The following ARHGEF33 variants were observed in gnomAD, a reference collection of about 807,000 sequenced individuals.
ARHGEF33 encodes the protein DH and coiled-coil domain-containing protein ENSP00000381780.
A neutral mutation model predicts 101.9 loss-of-function variants in ARHGEF33; 72 were observed. The ratio of observed to expected loss-of-function variants is 0.71; its 90% CI spans 0.58 to 0.86. The LOEUF is 0.86. ARHGEF33 is among the 40% of genes least tolerant of loss of function. The probability of loss-of-function intolerance (pLI) is 0.00; values close to 1 mark genes in which losing one functional copy is unlikely to be tolerated. For missense variants in ARHGEF33, 1,169 were observed against 1,111.3 expected (o/e 1.05, Z -0.74); for synonymous variants, 499 against 442.5 (o/e 1.13, Z -1.60).
At position 38,971,648 on chromosome 2, in the gene ARHGEF33, C is replaced by T. The variant is rs899435547; in HGVS notation, c.2484-2066C>T. 2.0e-5 allele frequency among the ~76,000 whole-genome samples: 3 copies of T among 152,088 alleles called. No homozygotes were observed. The South Asian group carries it at 6.2e-4, about 32-fold the overall frequency. On this transcript the variant is annotated intron_variant, in intron 17 of 17. Coordinates refer to ENST00000409978, the MANE Select transcript of ARHGEF33 (RefSeq NM_001145451.5). Reference sequence around the variant, plus strand: ...AAGAGGTCAGTTAAAATGGTCTTTACAAGGATGAAAATGAGCTTTTAGTCA... The same window carrying T: ...AAGAGGTCAGTTAAAATGGTCTTTATAAGGATGAAAATGAGCTTTTAGTCA...
intron 6 of ARHGEF33, 38 bp downstream of exon 6, chr2:38,929,868 T>TA (rs1419992867): frequency 7.1e-6 from 11 of 1,543,274 alleles, no homozygotes; most frequent in Admixed American, 5.9e-5. Flanking sequence ...GGCAAACCCA[T>TA]AAGCAATGGC....
In ARHGEF33 at chr2:38,892,943, A is replaced by G. The variant is rs72913133; in HGVS notation, c.-158-2834A>G. Reference sequence around the variant, plus strand: ...CTTTCCTCTACAGTGCCACTAAGTCATCTTCTTACCAGAGATATGTGATCT... The same window carrying G: ...CTTTCCTCTACAGTGCCACTAAGTCGTCTTCTTACCAGAGATATGTGATCT... On this transcript the variant is annotated intron_variant, in intron 1 of 17. Coordinates refer to ENST00000409978, the MANE Select transcript of ARHGEF33 (RefSeq NM_001145451.5). Among the ~76,000 whole-genome samples the G allele has an allele frequency of 4.3e-3, 648 of 152,260 alleles. 3 individuals carry two copies. Among genetic ancestry groups the G allele is most frequent in the African/African-American group, 0.015 (616 of 41,548 alleles).
intron 17 of ARHGEF33, among the ~76,000 whole-genome samples, chr2:38,971,032 T>C (rs1668155001): frequency 6.6e-6 from 1 of 152,232 alleles, no homozygotes; most frequent in Non-Finnish European, 1.5e-5. Flanking sequence ...CAGGGCTGAC[T>C]GACTGGCCAA....
chr2:38,955,101 C>G (rs886382933), intron 13 of ARHGEF33, among the ~76,000 whole-genome samples: 1 of 152,200 alleles, frequency 6.6e-6, no homozygotes, highest in African/African-American at 2.4e-5. Flanking sequence ...TTACAGCTAT[C>G]TAAATGCCAC....
At position 38,960,327 on chromosome 2, in the gene ARHGEF33, G is replaced by A; in HGVS notation, c.2022G>A (p.Gln674=). The part of the protein sequence containing the change: ...MEAERPEHPL[Q]PLPKSATSPA... ...CCGAGCGGCCGGAGCACCCGCTGCA[G>A]CCGCTGCCCAAGAGCGCTACGTCGC... The change falls in exon 16 of 18, where the codon CAG becomes CAA. Residue 674 remains glutamine, a synonymous_variant. Coordinates refer to ENST00000409978, the MANE Select transcript of ARHGEF33 (RefSeq NM_001145451.5). The A allele has an allele frequency of 6.5e-7, 1 of 1,541,250 alleles. No homozygotes were observed. Among genetic ancestry groups the A allele is most frequent in the Non-Finnish European group, 8.7e-7 (1 of 1,145,762 alleles).
chr2:38,894,119 G>A (rs1274803026), intron 1 of ARHGEF33, among the ~76,000 whole-genome samples: 1 of 152,102 alleles, frequency 6.6e-6, no homozygotes, highest in Non-Finnish European at 1.5e-5. Flanking sequence ...AGGAATTCGA[G>A]ACCAGCTTGG....
chr2:38,940,125 C>T lies in ARHGEF33; in HGVS notation c.790+2566C>T, dbSNP rs189068059. On this transcript the variant is annotated intron_variant, in intron 9 of 17. Coordinates refer to ENST00000409978, the MANE Select transcript of ARHGEF33 (RefSeq NM_001145451.5). ...ATATGGGTATCTAATTTTAGACTCT[C>T]CTTTTAAAAATTCCAATTATCAGGT... 2.7e-4 allele frequency among the ~76,000 whole-genome samples: 41 copies of T among 152,232 alleles called. No individual in the cohort carries two copies. In the East Asian group the frequency reaches 7.9e-3, roughly 29 times the overall value.
At chr2:38,965,650 G>A (rs1668036093) in intron 16 of ARHGEF33, among the ~76,000 whole-genome samples, 1 of 152,172 alleles carries the variant, frequency 6.6e-6, no homozygotes, top group Admixed American at 6.5e-5. Flanking sequence ...CGACAGTGTT[G>A]GTGTCAAAAT....
intron 2 of ARHGEF33, among the ~76,000 whole-genome samples, chr2:38,910,778 T>TA (rs1666492234): frequency 6.6e-6 from 1 of 152,210 alleles, no homozygotes; most frequent in Admixed American, 6.5e-5. Flanking sequence ...TCAACCAGTT[T>TA]ACGCAGATGG....
intron 4 of ARHGEF33, among the ~76,000 whole-genome samples, chr2:38,924,758 C>T (rs1666836349): frequency 6.6e-6 from 1 of 152,140 alleles, no homozygotes; most frequent in African/African-American, 2.4e-5. Flanking sequence ...TGTATAGTTA[C>T]TAATTAGTTG....
chr2:38,910,363 G>A (rs1181201924), intron 2 of ARHGEF33, among the ~76,000 whole-genome samples: 1 of 152,226 alleles, frequency 6.6e-6, no homozygotes, highest in East Asian at 1.9e-4. Flanking sequence ...CTGAGCTCAG[G>A]AGTTCAAGAC....
At chr2:38,941,807 A>G (rs1244784091) in intron 9 of ARHGEF33, among the ~76,000 whole-genome samples, 2 of 152,084 alleles carry the variant, frequency 1.3e-5, no homozygotes, top group African/African-American at 2.4e-5. Context: ...GGCCTCCCAA[A>G]GTGCTGGGAT....
chr2:38,934,389 T>G (rs961979248), intron 7 of ARHGEF33, among the ~76,000 whole-genome samples: 13 of 151,722 alleles, frequency 8.6e-5, no homozygotes, highest in African/African-American at 3.2e-4. Context: ...ACCCTCGACT[T>G]CTCCCTCTGC....
At chr2:38,957,933 A>G in intron 14 of ARHGEF33, 101 bp from the exon 15 acceptor site, 8 of 1,407,232 alleles carry the variant, frequency 5.7e-6, no homozygotes, top group Non-Finnish European at 6.8e-6. Flanking sequence ...TTCACAGCAA[A>G]CTTTATCTGA....
intron 4 of ARHGEF33, among the ~76,000 whole-genome samples, chr2:38,924,048 A>G (rs571317829): frequency 1.3e-5 from 2 of 152,188 alleles, no homozygotes; most frequent in Admixed American, 6.5e-5. Flanking sequence ...CACAACAAAT[A>G]TTTCAAAGGT....
At chr2:38,944,088 T>A (rs942546684) in intron 10 of ARHGEF33, 58 bp downstream of exon 10, 1 of 1,489,662 alleles carries the variant, frequency 6.7e-7, no homozygotes, top group Admixed American at 2.5e-5. Flanking sequence ...AGGTAAGTGG[T>A]TTATTGTTTC....
chr2:38,921,518 T>A, intron 4 of ARHGEF33, 95 bp downstream of exon 4: 1 of 829,952 alleles, frequency 1.2e-6, no homozygotes, highest in Non-Finnish European at 2.0e-6. Context: ...CACAAGTGCT[T>A]CCACATATAT....
chr2:38,953,064 C>T, intron 11 of ARHGEF33, 98 bp from the exon 12 acceptor site: 1 of 661,124 alleles, frequency 1.5e-6, no homozygotes, highest in Non-Finnish European at 2.7e-6. Context: ...ATAAGATAAT[C>T]TCTGCAAAGT....
chr2:38,895,553 A>G (rs1327128024), intron 1 of ARHGEF33, among the ~76,000 whole-genome samples: 3 of 152,176 alleles, frequency 2.0e-5, no homozygotes, highest in African/African-American at 7.2e-5. Context: ...TACTGAGGTG[A>G]TTGTACTTGC....
Sources: allele counts gnomAD v4.1 joint callset (sites outside exome capture counted in the v4.1 genomes callset), GRCh38; gene constraint gnomAD v4.1.1; transcripts MANE v1.5; gene names NCBI Gene and HGNC (gene_info 2026-07-23, HGNC 2026-07-21).